The following HIVEP3 variants were observed in gnomAD, a reference collection of about 807,000 sequenced individuals.
The protein encoded by HIVEP3 is transcription factor HIVEP3.
In HIVEP3, 49 loss-of-function variants were observed where a neutral mutation model predicts 152.8. That is an observed-to-expected ratio of 0.32 (90% CI 0.26 to 0.41). The LOEUF is 0.41. Ranked by LOEUF, HIVEP3 falls within the 10% of genes least tolerant of loss-of-function variation. The pLI is 1.00. For synonymous variants in HIVEP3, 1,269 were observed against 1,289.0 expected (o/e 0.98, Z 0.33); for missense variants, 2,790 against 3,103.3 (o/e 0.90, Z 2.40).
intron 1 of HIVEP3, among the ~76,000 whole-genome samples, chr1:41,809,887 G>C (rs962921150): frequency 2.0e-5 from 3 of 152,124 alleles, no homozygotes; most frequent in African/African-American, 7.2e-5. Flanking sequence ...TGCTTGACTG[G>C]GGACTTTCCT....
At chr1:41,701,219 T>C (rs963892365) in intron 1 of HIVEP3, among the ~76,000 whole-genome samples, 1 of 152,188 alleles carries the variant, frequency 6.6e-6, no homozygotes, top group Non-Finnish European at 1.5e-5. Context: ...ACAAGTTGTC[T>C]GCCCTGAGGA....
chr1:41,665,966 G>T (rs934110982), intron 2 of HIVEP3, among the ~76,000 whole-genome samples: 3 of 152,104 alleles, frequency 2.0e-5, no homozygotes, highest in Admixed American at 1.3e-4. Flanking sequence ...TTAAGGTGGG[G>T]TGGGGCTGAG....
In HIVEP3 at chr1:41,873,632, C is replaced by T. The variant is rs1307444183; in HGVS notation, c.-801+44781G>A. On this transcript the variant is annotated intron_variant, in intron 1 of 8. Coordinates refer to ENST00000372583, the MANE Select transcript of HIVEP3 (RefSeq NM_024503.5). This position sits in a 1 kb window ranked among gnomAD's most constrained non-coding sequence, Gnocchi z 4.2. ...TGTATTCTCGCTGACTTGTGTTTTT[C>T]ACACTGGCTTTATCTTGGTTTCTGA... Among the ~76,000 whole-genome samples the T allele has an allele frequency of 6.6e-6, 1 of 152,150 alleles. No individual in the cohort carries two copies. The highest frequency in any genetic ancestry group is 2.4e-5 in the African/African-American group (1 of 41,418).
At position 41,554,985 on chromosome 1, in the gene HIVEP3, G is replaced by A. The variant is rs182676319; in HGVS notation, c.5207+20559C>T. Among the ~76,000 whole-genome samples, 191 of 152,268 alleles carry A rather than the reference G, an allele frequency of 1.3e-3. 1 individual carries two copies. The highest frequency in any genetic ancestry group is 4.5e-3 in the African/African-American group (185 of 41,540). ...TTGAGGAGGCAGTCTGTCTGTTCTC[G>A]GAGCTCAAACACCATGCTGGGAGAA... On this transcript the variant is annotated intron_variant, in intron 5 of 8. Coordinates refer to ENST00000372583, the MANE Select transcript of HIVEP3 (RefSeq NM_024503.5).
chr1:41,994,525 T>C (rs993459449), intron 1 of HIVEP3, among the ~76,000 whole-genome samples: 1 of 152,142 alleles, frequency 6.6e-6, no homozygotes, highest in Non-Finnish European at 1.5e-5. Flanking sequence ...TTGCGAGATG[T>C]GATGGTTTAA....
At position 41,507,727 on chromosome 1, in the gene HIVEP3, G is replaced by GCGTCTTT. The variant is rs992426838; in HGVS notation, c.*2717_*2723dup. On this transcript the variant is annotated 3_prime_UTR_variant, in exon 9 of 9. Transcript: ENST00000372583. ...CCAGAGGAGGGCGTGCATGGGGCGA[G>GCGTCTTT]CGTCTTTCTCCAAATCATGAAGGTG... 6.6e-6 allele frequency: 1 copy of GCGTCTTT among 152,462 alleles called. No homozygotes were observed. The highest frequency in any genetic ancestry group is 2.4e-5 in the African/African-American group (1 of 41,468). The allele number at this position is 152,462 out of a possible 1,614,324, so 9.4% of individuals were successfully genotyped here. A position where few individuals can be genotyped will look rare whatever the true frequency, so the allele number is the denominator to read the frequency against.
chr1:41,839,902 G>A (rs1300641808), intron 1 of HIVEP3, among the ~76,000 whole-genome samples: 4 of 152,174 alleles, frequency 2.6e-5, no homozygotes. Flanking sequence ...GGAGGGTTTA[G>A]AGCCTCACTG....
At chr1:41,622,279 G>C (rs763663048) in intron 3 of HIVEP3, among the ~76,000 whole-genome samples, 16 of 152,158 alleles carry the variant, frequency 1.1e-4, no homozygotes, top group Non-Finnish European at 2.4e-4. Context: ...CCAGAGTAAA[G>C]GTCCTAATGC....
At chr1:41,766,732 T>C (rs1213429612) in intron 1 of HIVEP3, among the ~76,000 whole-genome samples, 1 of 152,200 alleles carries the variant, frequency 6.6e-6, no homozygotes, top group African/African-American at 2.4e-5. Context: ...TGCATCTACT[T>C]TGGTTTTCCT....
chr1:41,803,710 T>A (rs963777279), intron 1 of HIVEP3, among the ~76,000 whole-genome samples: 2 of 152,234 alleles, frequency 1.3e-5, no homozygotes, highest in African/African-American at 4.8e-5. Flanking sequence ...GTTCCTTGCC[T>A]GGTACACTCT....
At chr1:41,732,949 C>A (rs1184271033) in intron 1 of HIVEP3, among the ~76,000 whole-genome samples, 2 of 152,114 alleles carry the variant, frequency 1.3e-5, no homozygotes, top group Non-Finnish European at 2.9e-5. Flanking sequence ...TCACCCATGT[C>A]CCTAGGACCC....
chr1:41,636,384 C>A (rs1452471762), intron 2 of HIVEP3, among the ~76,000 whole-genome samples: 1 of 152,168 alleles, frequency 6.6e-6, no homozygotes, highest in African/African-American at 2.4e-5. Flanking sequence ...TAAAATATTT[C>A]TATACTTTAG....
At chr1:41,520,149 G>C (rs1642723115) in intron 6 of HIVEP3, among the ~76,000 whole-genome samples, 1 of 152,042 alleles carries the variant, frequency 6.6e-6, no homozygotes, top group African/African-American at 2.4e-5. Context: ...TGAACTGAAG[G>C]GTGCTTCTTA....
intron 1 of HIVEP3, among the ~76,000 whole-genome samples, chr1:41,886,616 G>T (rs1254948738): frequency 1.3e-5 from 2 of 148,262 alleles, no homozygotes; most frequent in Non-Finnish European, 3.0e-5. Flanking sequence ...AGAGGCTGAA[G>T]CAGGAGAATT....
intron 1 of HIVEP3, among the ~76,000 whole-genome samples, chr1:41,931,018 A>G (rs2124480390): frequency 6.6e-6 from 1 of 152,230 alleles, no homozygotes; most frequent in Non-Finnish European, 1.5e-5. Context: ...TTCTGGATAC[A>G]AGTCCTTCAT....
At chr1:41,984,784 T>G (rs1289749221) in intron 1 of HIVEP3, among the ~76,000 whole-genome samples, 2 of 152,210 alleles carry the variant, frequency 1.3e-5, no homozygotes, top group African/African-American at 4.8e-5. Flanking sequence ...AGACATCATT[T>G]CATTATATAT....
chr1:42,019,222 T>A (rs1402990085), intron 1 of HIVEP3, among the ~76,000 whole-genome samples: 1 of 152,076 alleles, frequency 6.6e-6, no homozygotes, highest in African/African-American at 2.4e-5. Flanking sequence ...ATGGCTTAAC[T>A]CGGCCCTTTT....
chr1:41,835,962 A>G (rs1345844069), intron 1 of HIVEP3, among the ~76,000 whole-genome samples: 1 of 152,216 alleles, frequency 6.6e-6, no homozygotes, highest in Non-Finnish European at 1.5e-5. Flanking sequence ...AACCTGCCAT[A>G]TGAGCTCCTT....
chr1:41,797,580 A>G (rs1366812027), intron 1 of HIVEP3, among the ~76,000 whole-genome samples: 1 of 152,276 alleles, frequency 6.6e-6, no homozygotes, highest in Non-Finnish European at 1.5e-5. Flanking sequence ...AAGAAGGCAC[A>G]GACGTTCCAC....
Sources: gnomAD v4.1 joint callset for allele counts (sites outside exome capture counted in the v4.1 genomes callset) on GRCh38, gnomAD v4.1.1 for gene constraint, Gnocchi (gnomAD v3.1) non-coding constraint, MANE v1.5 for transcripts, NCBI Gene and HGNC (gene_info 2026-07-23, HGNC 2026-07-21) for gene names.